Variants in FANK1 observed in about 807,000 individuals in gnomAD.
The protein encoded by FANK1 is fibronectin type III and ankyrin repeat domains 1, also known as fibronectin type 3 and ankyrin repeat domains protein 1.
A neutral mutation model predicts 45.3 loss-of-function variants in FANK1; 44 were observed. The ratio of observed to expected loss-of-function variants is 0.97; its 90% CI spans 0.76 to 1.25. The LOEUF is 1.25. Ranked by LOEUF, FANK1 falls within the 50% of genes most tolerant of loss-of-function variation. FANK1 has a pLI of 0.00. For synonymous variants in FANK1, 149 were observed against 152.5 expected (o/e 0.98, Z 0.17); for missense variants, 391 against 424.4 (o/e 0.92, Z 0.69).
At chr10:126,000,554 C>T (rs1488298424) in intron 6 of FANK1, among the ~76,000 whole-genome samples, 4 of 151,884 alleles carry the variant, frequency 2.6e-5, no homozygotes, top group South Asian at 2.1e-4. Context: ...GGTCTTATAG[C>T]GTGTACCAAA....
chr10:125,970,221 C>T lies in FANK1; in HGVS notation c.14-9940C>T, dbSNP rs952700457. ...GGTGGCTGGGCAGAGGGGCCCCCCA[C>T]CCCCCAGAGGGGGCGGCCAGGCAGA... On this transcript the variant is annotated intron_variant, in intron 1 of 10. Coordinates refer to ENST00000368693, the MANE Select transcript of FANK1 (RefSeq NM_145235.5). Among the ~76,000 whole-genome samples, 3 of 152,030 alleles carry T rather than the reference C, an allele frequency of 2.0e-5. No homozygotes were observed. In the East Asian group the frequency reaches 5.8e-4, roughly 30 times the overall value.
chr10:126,009,172 G>A, intron 9 of FANK1, 41 bp downstream of exon 9: 1 of 1,614,056 alleles, frequency 6.2e-7, no homozygotes, highest in Non-Finnish European at 8.5e-7. Context: ...TCCTCGGAGG[G>A]GGAGAAAACA....
intron 1 of FANK1, among the ~76,000 whole-genome samples, chr10:125,942,779 C>A (rs1308923521): frequency 2.8e-5 from 4 of 144,802 alleles, no homozygotes; most frequent in Non-Finnish European, 6.0e-5. Context: ...TTAATTACTG[C>A]TTTTCATTAG....
intron 1 of FANK1, among the ~76,000 whole-genome samples, chr10:125,912,481 T>C (rs905110861): frequency 1.5e-5 from 2 of 129,780 alleles, no homozygotes; most frequent in African/African-American, 5.7e-5. Context: ...TGTGTGTGTG[T>C]GTGTGTTTTT....
At chr10:125,922,339 C>T (rs371565844) in intron 1 of FANK1, among the ~76,000 whole-genome samples, 6 of 152,290 alleles carry the variant, frequency 3.9e-5, no homozygotes, top group Admixed American at 2.0e-4. Context: ...CTCTCACCAC[C>T]GCCATCCAGA....
At chr10:125,903,107 A>G (rs1419875684) in intron 1 of FANK1, among the ~76,000 whole-genome samples, 3 of 152,312 alleles carry the variant, frequency 2.0e-5, no homozygotes, top group East Asian at 3.8e-4. Flanking sequence ...CCCCAAGCTC[A>G]GGTTCACCAA....
At position 125,959,413 on chromosome 10, in the gene FANK1, C is replaced by CAAAAAAAA. The variant is rs767754151; in HGVS notation, c.14-20735_14-20728dup. On this transcript the variant is annotated intron_variant, in intron 1 of 10. Transcript: ENST00000368693. ...TGAGTGACAGAATGAGACTCTGTCTCAAAAAAAAAAAAAAAAAAAAGATAC... is the reference window on the plus strand; with the variant it reads ...TGAGTGACAGAATGAGACTCTGTCTCAAAAAAAAAAAAAAAAAAAAAAAAAAAAGATAC... 1.7e-4 allele frequency among the ~76,000 whole-genome samples: 13 copies of CAAAAAAAA among 74,710 alleles called. 1 individual carries two copies. The highest frequency in any genetic ancestry group is 1.3e-3 in the South Asian group (2 of 1,542). 49.0% of individuals were successfully genotyped at this position (74,710 alleles called of 152,430 possible).
chr10:125,958,419 G>A (rs1019639466), intron 1 of FANK1, among the ~76,000 whole-genome samples: 7 of 152,198 alleles, frequency 4.6e-5, no homozygotes, highest in African/African-American at 1.7e-4. Context: ...AAGCAGGCAT[G>A]TCTTACGGGG....
At chr10:125,990,382 C>T (rs1216466889) in intron 3 of FANK1, among the ~76,000 whole-genome samples, 1 of 152,148 alleles carries the variant, frequency 6.6e-6, no homozygotes, top group African/African-American at 2.4e-5. Context: ...GGCAACAGAG[C>T]AGGACCCTTT....
At chr10:125,910,569 T>C (rs555205448) in intron 1 of FANK1, among the ~76,000 whole-genome samples, 2 of 152,344 alleles carry the variant, frequency 1.3e-5, no homozygotes, top group East Asian at 3.9e-4. Context: ...CTTTGCTTTT[T>C]TCACCTGACA....
intron 1 of FANK1, among the ~76,000 whole-genome samples, chr10:125,922,130 G>A (rs1946988482): frequency 6.6e-6 from 1 of 152,106 alleles, no homozygotes; most frequent in African/African-American, 2.4e-5. Context: ...TATTTATTAA[G>A]TTCAAACTGT....
intron 7 of FANK1, among the ~76,000 whole-genome samples, chr10:126,005,325 T>C (rs1445496920): frequency 7.8e-6 from 1 of 128,350 alleles, no homozygotes; most frequent in African/African-American, 2.8e-5. Context: ...TTTTTTTTTT[T>C]GAGATGGAGT....
intron 1 of FANK1, among the ~76,000 whole-genome samples, chr10:125,911,236 A>C (rs1274665649): frequency 6.6e-6 from 1 of 152,130 alleles, no homozygotes; most frequent in Non-Finnish European, 1.5e-5. Context: ...CGAAGATGGA[A>C]GTGGTGGTTG....
At chr10:125,903,723 G>A (rs1347786182) in intron 1 of FANK1, among the ~76,000 whole-genome samples, 7 of 151,878 alleles carry the variant, frequency 4.6e-5, no homozygotes, top group Non-Finnish European at 7.4e-5. Context: ...GCTAGTGCAC[G>A]TACTTTGGTT....
intron 1 of FANK1, among the ~76,000 whole-genome samples, chr10:125,942,789 G>T: frequency 6.8e-6 from 1 of 147,756 alleles, no homozygotes; most frequent in African/African-American, 2.5e-5. Context: ...CTTTTCATTA[G>T]ATCTGAAATT....
intron 2 of FANK1, among the ~76,000 whole-genome samples, chr10:125,984,450 A>G (rs1951426387): frequency 6.6e-6 from 1 of 152,220 alleles, no homozygotes; most frequent in African/African-American, 2.4e-5. Context: ...GTCTCTGAAC[A>G]ACAATCCAGT....
intron 2 of FANK1, among the ~76,000 whole-genome samples, chr10:125,987,599 A>G (rs1951650993): frequency 6.6e-6 from 1 of 152,136 alleles, no homozygotes; most frequent in African/African-American, 2.4e-5. Flanking sequence ...TTTAGAGATA[A>G]GATTTGAAAA....
At chr10:126,009,168 G>A in intron 9 of FANK1, 37 bp downstream of exon 9, 2 of 1,614,136 alleles carry the variant, frequency 1.2e-6, no homozygotes, top group Non-Finnish European at 1.7e-6. Flanking sequence ...ATTTTCCTCG[G>A]AGGGGGAGAA....
chr10:125,941,694 A>T (rs768781181), intron 1 of FANK1, among the ~76,000 whole-genome samples: 1 of 152,216 alleles, frequency 6.6e-6, no homozygotes, highest in Non-Finnish European at 1.5e-5. Context: ...CACATGATGA[A>T]ATATAACACA....
Sources: gnomAD v4.1 joint callset for allele counts (sites outside exome capture counted in the v4.1 genomes callset) on GRCh38, gnomAD v4.1.1 for gene constraint, MANE v1.5 for transcripts, NCBI Gene and HGNC (gene_info 2026-07-23, HGNC 2026-07-21) for gene names.